Variants in NOTCH4 observed in about 807,000 individuals in gnomAD.
NOTCH4 encodes neurogenic locus notch homolog protein 4.
A neutral mutation model predicts 189.0 loss-of-function variants in NOTCH4; 138 were observed. The ratio of observed to expected loss-of-function variants is 0.73; its 90% CI spans 0.64 to 0.84. The LOEUF (loss-of-function observed/expected upper bound fraction) is 0.84. Ranked by LOEUF, NOTCH4 falls within the 40% of genes least tolerant of loss-of-function variation. The pLI is 0.00. For synonymous variants in NOTCH4, 942 were observed against 1,032.8 expected (o/e 0.91, Z 1.69); for missense variants, 2,286 against 2,605.4 (o/e 0.88, Z 2.67).
At chr6:32,220,690 A>G (rs1040561770) in intron 5 of NOTCH4, 49 bp from the exon 6 acceptor site, 7 of 1,612,318 alleles carry the variant, frequency 4.3e-6, no homozygotes, top group Non-Finnish European at 5.9e-6. Flanking sequence ...GAGCCCTATG[A>G]GTAGGGGAGG....
rs193183134 is a variant in NOTCH4, at chr6:32,205,761, C to T, written c.2866-1372G>A. 2.0e-5 allele frequency among the ~76,000 whole-genome samples: 3 copies of T among 152,114 alleles called. 1 individual carries two copies. The East Asian group carries it at 5.9e-4, about 30-fold the overall frequency. On this transcript the variant is annotated intron_variant, in intron 18 of 29. Transcript: ENST00000375023. ...TTGTGGTTCTGGCCGGGCACGGTGG[C>T]TCACGCCTGTAATCCCAGCAGTTTG... is the stretch of plus-strand genomic sequence containing the variant.
intron 8 of NOTCH4, among the ~76,000 whole-genome samples, chr6:32,218,780 G>A (rs1420481025): frequency 6.6e-6 from 1 of 152,102 alleles, no homozygotes; most frequent in Non-Finnish European, 1.5e-5. Flanking sequence ...AGTATCTTTG[G>A]GTGCCGCTCA....
In NOTCH4 at chr6:32,196,393, G is replaced by T. The variant is rs765300793; in HGVS notation, c.5229C>A (p.Ala1743=). The part of the protein sequence containing the change: ...WGKTALHWAA[A]VNNARAARSL... ...AGCGGGCGGCTCGGGCGTTGTTCACGGCAGCAGCCCAGTGCAGCGCAGTTT... is the reference window on the plus strand; with the variant it reads ...AGCGGGCGGCTCGGGCGTTGTTCACTGCAGCAGCCCAGTGCAGCGCAGTTT... Residue 1743 remains alanine, a synonymous_variant, in exon 29 of 30, where the codon GCC becomes GCA. Coordinates refer to ENST00000375023, the MANE Select transcript of NOTCH4 (RefSeq NM_004557.4). The T allele has an allele frequency of 6.2e-7, 1 of 1,613,134 alleles. No homozygotes were observed. Among genetic ancestry groups the T allele is most frequent in the Non-Finnish European group, 8.5e-7 (1 of 1,180,042 alleles).
Position 32,195,623 on chromosome 6 carries a change from GCCT to G in NOTCH4, c.5823_5825del (p.Gly1942del). On this transcript the variant is annotated inframe_deletion, in exon 30 of 30. Transcript: ENST00000375023. This position sits in a 1 kb window ranked among gnomAD's most constrained non-coding sequence, Gnocchi z 5.4. ...AGGGCCAGTCATCCGTTGAGACCCT[GCCT>G]CCGCGCCCGGCAGCCACTCCGTATC... The G allele has an allele frequency of 6.2e-7, 1 of 1,613,034 alleles. No homozygotes were observed. The highest frequency in any genetic ancestry group is 1.7e-5 in the Admixed American group (1 of 60,012).
chr6:32,219,673 T>C lies in NOTCH4; in HGVS notation c.1429A>G (p.Asn477Asp). The C allele has an allele frequency of 6.2e-7, 1 of 1,613,006 alleles. No individual in the cohort carries two copies. The highest frequency in any genetic ancestry group is 8.5e-7 in the Non-Finnish European group (1 of 1,179,966). The part of the protein sequence containing the change: ...YTGSRCEADH[N>D]ECLSQPCHPG... ...TGGCAGGGCTGGGAGAGGCACTCAT[T>C]GTGATCAGCCTCACAACGGGAGCCT... The change falls in exon 8 of 30, where the codon AAT becomes GAT. Residue 477 changes from asparagine to aspartate, a missense_variant. Around this residue, in one of 2 missense-constraint regions of NOTCH4, gnomAD observed 1,903 missense variants for 2,261.9 expected, o/e 0.84. Transcript: ENST00000375023.
rs576696009 is a variant in NOTCH4 at position 32,201,667 on chromosome 6, C to A, written c.3756-167G>T. The stretch of plus-strand genomic sequence containing the variant: ...AGTCCTGGATGGTAGTCCAGACACC[C>A]CAATGTCTGCTAACACCCCTGTCTC... On this transcript the variant is annotated intron_variant, in intron 21 of 29. Coordinates refer to ENST00000375023, the MANE Select transcript of NOTCH4 (RefSeq NM_004557.4). This position sits in a 1 kb window ranked among gnomAD's most constrained non-coding sequence, Gnocchi z 5.5. The A allele has an allele frequency of 1.9e-4, 101 of 529,214 alleles. No individual in the cohort carries two copies. Among genetic ancestry groups the A allele is most frequent in the African/African-American group, 1.9e-3 (97 of 51,568 alleles). 32.8% of individuals were successfully genotyped at this position (529,214 alleles called of 1,614,324 possible).
intron 15 of NOTCH4, 81 bp downstream of exon 15, chr6:32,213,054 T>C: frequency 7.8e-7 from 1 of 1,289,374 alleles, no homozygotes; most frequent in Non-Finnish European, 1.1e-6. Context: ...GGAGGCAGCC[T>C]GGAACCCAGG....
At position 32,221,295 on chromosome 6, in the gene NOTCH4, G is replaced by A. The variant is rs776841044; in HGVS notation, c.482C>T (p.Ser161Leu). 22 of 1,612,790 alleles carry A rather than the reference G, an allele frequency of 1.4e-5. No homozygotes were observed. The Admixed American group carries it at 2.7e-4, about 20-fold the overall frequency. Residue 161 changes from serine to leucine, a missense_variant, in exon 4 of 30, where the codon TCA becomes TTA. Coordinates refer to ENST00000375023, the MANE Select transcript of NOTCH4 (RefSeq NM_004557.4). The surrounding 1 kb of genome is among the most constrained non-coding windows in gnomAD (Gnocchi z 4.3). ...GEQCQLRDFC[S>L]ANPCVNGGVC... ...CCCTCCATTAACACATGGGTTGGCTGAACAGAAGTCCCGAAGCTGGCACTG... is the reference window on the plus strand; with the variant it reads ...CCCTCCATTAACACATGGGTTGGCTAAACAGAAGTCCCGAAGCTGGCACTG...
Position 32,197,460 on chromosome 6 carries a change from CG to C in NOTCH4, c.4890del (p.Val1631TrpfsTer75). ...LDGGACPQAH[T>X]VGTGETPLHL... ...TGCAGGGGGGTCTCCCCAGTGCCCA[CG>C]GTGTGAGCCTGGGGACAGGCCCCTC... On this transcript the variant is annotated frameshift_variant, in exon 27 of 30. Coordinates refer to ENST00000375023, the MANE Select transcript of NOTCH4 (RefSeq NM_004557.4). LOFTEE classifies it high-confidence loss of function. 6.3e-7 allele frequency: 1 copy of C among 1,579,508 alleles called. No individual in the cohort carries two copies. The highest frequency in any genetic ancestry group is 8.6e-7 in the Non-Finnish European group (1 of 1,163,238).
chr6:32,204,240 T>A lies in NOTCH4; in HGVS notation c.3015A>T (p.Gly1005=). The A allele has an allele frequency of 6.2e-7, 1 of 1,612,996 alleles. No individual in the cohort carries two copies. Among genetic ancestry groups the A allele is most frequent in the Non-Finnish European group, 8.5e-7 (1 of 1,180,008 alleles). The change falls in exon 19 of 30, where the codon GGA becomes GGT. Residue 1005 remains glycine, a synonymous_variant. Coordinates refer to ENST00000375023, the MANE Select transcript of NOTCH4 (RefSeq NM_004557.4). ...GCTGGTCCAGACACTCGTCCACGTC[T>A]CCCTCACAGCGTAGCCCCACAAAGC... is the stretch of plus-strand genomic sequence containing the variant. ...PPGFVGLRCE[G]DVDECLDQPC...
Position 32,195,701 on chromosome 6 carries a change from A to T in NOTCH4, c.5748T>A (p.Phe1916Leu). The change falls in exon 30 of 30, where the codon TTT (phenylalanine) becomes TTA (leucine). Residue 1916 changes from phenylalanine (F) to leucine (L), a missense_variant. This residue lies in a region of NOTCH4 where 383 missense variants were observed against 343.5 expected (regional missense o/e 1.11). Transcript: ENST00000375023. This position sits in a 1 kb window ranked among gnomAD's most constrained non-coding sequence, Gnocchi z 5.4. The stretch of plus-strand genomic sequence containing the variant: ...GCCGAGGCCCGCGCATGCCTGCAGA[A>T]AACCTACGGCCGCGAGGGGTCGGGC... ...GGGPTPRGRR[F>L]SAGMRGPRPN... 6.2e-7 allele frequency: 1 copy of T among 1,612,970 alleles called. No homozygotes were observed. The highest frequency in any genetic ancestry group is 8.5e-7 in the Non-Finnish European group (1 of 1,179,980).
intron 11 of NOTCH4, 25 bp downstream of exon 11, chr6:32,216,920 T>C: frequency 6.2e-7 from 1 of 1,613,028 alleles, no homozygotes; most frequent in Non-Finnish European, 8.5e-7. Flanking sequence ...TTCTGCCAGT[T>C]CTTTCCAGTG....
rs574215535 is a variant in NOTCH4 at position 32,198,835 on chromosome 6, T to G, written c.4535+91A>C. 2 of 1,464,918 alleles carry G rather than the reference T, an allele frequency of 1.4e-6. No homozygotes were observed. The highest frequency in any genetic ancestry group is 1.8e-6 in the Non-Finnish European group (2 of 1,082,184). The allele number at this position is 1,464,918 out of a possible 1,614,324, so 90.7% of individuals were successfully genotyped here. ...CCTCTCTCCTTCCCCTATCTTTGAC[T>G]TCTGCAATAGTATTTCTTATCTTTT... is the stretch of plus-strand genomic sequence containing the variant. On this transcript the variant is annotated intron_variant, in intron 24 of 29. Coordinates refer to ENST00000375023, the MANE Select transcript of NOTCH4 (RefSeq NM_004557.4). This position sits in a 1 kb window ranked among gnomAD's most constrained non-coding sequence, Gnocchi z 5.5.
intron 7 of NOTCH4, 38 bp from the exon 8 acceptor site, chr6:32,219,824 G>C (rs1209965079): frequency 2.6e-6 from 4 of 1,545,952 alleles, no homozygotes; most frequent in South Asian, 2.3e-5. Flanking sequence ...ACAGGGGTCA[G>C]GGCAGGAAGG....
Position 32,217,058 on chromosome 6 carries a change from C to T in NOTCH4, c.1748G>A (p.Gly583Glu), listed in dbSNP as rs151131761. 2.2e-3 allele frequency: 3,516 copies of T among 1,613,066 alleles called. 71 individuals are homozygous for T. In the South Asian group the frequency reaches 0.027, roughly 12 times the overall value. Residue 583 changes from glycine (G) to glutamate (E), a missense_variant, in exon 11 of 30, where the codon GGG (glycine) becomes GAG (glutamate). Gly to Glu is a moderately conservative substitution (Grantham distance 98). Coordinates refer to ENST00000375023, the MANE Select transcript of NOTCH4 (RefSeq NM_004557.4). This position sits in a 1 kb window ranked among gnomAD's most constrained non-coding sequence, Gnocchi z 4.2. ...ATCCACCTCTGTTTGACAGCGTGGCCCTTCAAAGCCTGTGGCACAGCAGGA... is the reference window on the plus strand; with the variant it reads ...ATCCACCTCTGTTTGACAGCGTGGCTCTTCAAAGCCTGTGGCACAGCAGGA... ...FHCKCLPGFE[G>E]PRCQTEVDEC...
In NOTCH4 at chr6:32,217,931, G is replaced by T; in HGVS notation, c.1624+64C>A. The T allele has an allele frequency of 9.2e-7, 1 of 1,084,464 alleles. No homozygotes were observed. Among genetic ancestry groups the T allele is most frequent in the Non-Finnish European group, 1.4e-6 (1 of 711,410 alleles). 67.2% of individuals were successfully genotyped at this position (1,084,464 alleles called of 1,614,324 possible). A position where few individuals can be genotyped will look rare whatever the true frequency, so the allele number is the denominator to read the frequency against. Reference sequence around the variant, plus strand: ...TCAAGTGGCCTTGGGTGATTGCTGAGCCTGAACTCTGCAGGTTCAGAGGCC... The same window carrying T: ...TCAAGTGGCCTTGGGTGATTGCTGATCCTGAACTCTGCAGGTTCAGAGGCC... On this transcript the variant is annotated intron_variant, in intron 9 of 29. Coordinates refer to ENST00000375023, the MANE Select transcript of NOTCH4 (RefSeq NM_004557.4). The surrounding 1 kb of genome is among the most constrained non-coding windows in gnomAD (Gnocchi z 4.2).
At chr6:32,196,286 CCTGA>C (rs775859701) in intron 29 of NOTCH4, 34 bp downstream of exon 29, 73 of 1,612,996 alleles carry the variant, frequency 4.5e-5, no homozygotes, top group Middle Eastern at 3.3e-4. Context: ...CTCTCGTGCG[CCTGA>C]CTGTTTTGTG....
chr6:32,198,809 C>T lies in NOTCH4; in HGVS notation c.4536-79G>A. On this transcript the variant is annotated intron_variant, in intron 24 of 29. Coordinates refer to ENST00000375023, the MANE Select transcript of NOTCH4 (RefSeq NM_004557.4). This position sits in a 1 kb window ranked among gnomAD's most constrained non-coding sequence, Gnocchi z 5.5. Reference sequence around the variant, plus strand: ...CCAAAATTTCCAGCAGGCTTCCCACCCCTCTCTCCTTCCCCTATCTTTGAC... The same window carrying T: ...CCAAAATTTCCAGCAGGCTTCCCACTCCTCTCTCCTTCCCCTATCTTTGAC... 6.7e-7 allele frequency: 1 copy of T among 1,488,506 alleles called. No homozygotes were observed. The highest frequency in any genetic ancestry group is 9.1e-7 in the Non-Finnish European group (1 of 1,100,012). The allele number at this position is 1,488,506 out of a possible 1,614,324, so 92.2% of individuals were successfully genotyped here. A position where few individuals can be genotyped will look rare whatever the true frequency, so the allele number is the denominator to read the frequency against.
chr6:32,195,745 C>T lies in NOTCH4; in HGVS notation c.5704G>A (p.Gly1902Arg), dbSNP rs1787837659. ...GAYSHCRSLSGVGAGGGPTPR... is the reference protein window; with the variant it reads ...GAYSHCRSLSRVGAGGGPTPR... ...GTCGGGCCTCCTCCTGCTCCTACTC[C>T]CGAGAGGCTCCGGCAATGAGAATAG... is the stretch of plus-strand genomic sequence containing the variant. Residue 1902 changes from glycine to arginine, a missense_variant, in exon 30 of 30, where the codon GGA becomes AGA. Physicochemically the swap from Gly to Arg is moderately radical, Grantham distance 125. Transcript: ENST00000375023. This position sits in a 1 kb window ranked among gnomAD's most constrained non-coding sequence, Gnocchi z 5.4. The T allele has an allele frequency of 3.1e-6, 5 of 1,612,250 alleles. No individual in the cohort carries two copies. The highest frequency in any genetic ancestry group is 3.4e-6 in the Non-Finnish European group (4 of 1,179,852).
Sources: allele counts gnomAD v4.1 joint callset (sites outside exome capture counted in the v4.1 genomes callset), GRCh38; gene constraint gnomAD v4.1.1; regional missense constraint gnomAD v4.1.1; non-coding constraint Gnocchi (gnomAD v3.1); transcripts MANE v1.5; gene names NCBI Gene and HGNC (gene_info 2026-07-23, HGNC 2026-07-21).